The following PDE11A variants were observed in gnomAD, a reference collection of about 807,000 sequenced individuals.
PDE11A encodes phosphodiesterase 11A.
PDE11A carries 100 observed loss-of-function variants against 100.5 expected under a neutral mutation model. The observed-to-expected ratio is 1.00, with a 90% CI of 0.85 to 1.18. PDE11A has a LOEUF of 1.18. Ranked by LOEUF, PDE11A falls within the 50% of genes most tolerant of loss-of-function variation. The pLI is 0.00. For missense variants in PDE11A, 1,141 were observed against 1,152.6 expected, an observed-to-expected ratio of 0.99 and a Z score of 0.15; for synonymous variants, 381 against 420.8, an observed-to-expected ratio of 0.91 and a Z score of 1.16.
intron 9 of PDE11A, among the ~76,000 whole-genome samples, chr2:177,781,272 T>C (rs1056909842): frequency 2.6e-5 from 4 of 152,216 alleles, no homozygotes; most frequent in African/African-American, 9.6e-5. Context: ...TACCGCCTTA[T>C]ATGGGCACAG....
At chr2:177,837,476 C>CTTTTTTT (rs35254631) in intron 6 of PDE11A, among the ~76,000 whole-genome samples, 1 of 141,716 alleles carries the variant, frequency 7.1e-6, no homozygotes, top group Non-Finnish European at 1.5e-5. Context: ...TTCTTTCTTT[C>CTTTTTTT]TTTTTTTTTT....
chr2:178,073,871 G>C (rs189041757), upstream of PDE11A, among the ~76,000 whole-genome samples: 5 of 149,106 alleles, frequency 3.4e-5, no homozygotes, highest in Non-Finnish European at 7.4e-5. Flanking sequence ...CAACGGGAAT[G>C]TTTACACCAT....
chr2:177,853,377 G>A (rs1316485651), intron 5 of PDE11A, among the ~76,000 whole-genome samples: 1 of 151,592 alleles, frequency 6.6e-6, no homozygotes, highest in East Asian at 1.9e-4. Context: ...AAAACACCAA[G>A]GTGAGACATG....
chr2:177,973,179 G>T (rs2085795220), intron 2 of PDE11A, among the ~76,000 whole-genome samples: 1 of 146,936 alleles, frequency 6.8e-6, no homozygotes, highest in East Asian at 2.0e-4. Flanking sequence ...GAGGTACCGG[G>T]TTCATCTCAC....
chr2:177,699,163 A>C lies in PDE11A; in HGVS notation c.2245-1731T>G, dbSNP rs76873046. On this transcript the variant is annotated intron_variant, in intron 14 of 19. Coordinates refer to ENST00000286063, the MANE Select transcript of PDE11A (RefSeq NM_016953.4). ...ACATCACAGAAAGCACTTACACAAA[A>C]CTAGATGATACAGCCTACTGCATAC... Among the ~76,000 whole-genome samples, 402 of 152,304 alleles carry C rather than the reference A, an allele frequency of 2.6e-3. 2 individuals are homozygous for C. The highest frequency in any genetic ancestry group is 0.01 in the Middle Eastern group (3 of 294).
chr2:177,966,305 G>T (rs568047215), intron 2 of PDE11A, among the ~76,000 whole-genome samples: 1 of 152,116 alleles, frequency 6.6e-6, no homozygotes, highest in Non-Finnish European at 1.5e-5. Flanking sequence ...TCTGGGAAGA[G>T]AAATAGTTTG....
At chr2:177,990,173 T>C (rs1442901431) in intron 2 of PDE11A, among the ~76,000 whole-genome samples, 1 of 152,184 alleles carries the variant, frequency 6.6e-6, no homozygotes, top group Non-Finnish European at 1.5e-5. Flanking sequence ...ATTAACCTAG[T>C]ACAAGCTACA....
At chr2:177,718,472 G>A (rs1038333989) in intron 12 of PDE11A, among the ~76,000 whole-genome samples, 2 of 152,134 alleles carry the variant, frequency 1.3e-5, no homozygotes, top group African/African-American at 2.4e-5. Context: ...CACGAAGGAC[G>A]TTATTCTTGA....
At chr2:177,993,772 T>C (rs2086033672) in intron 2 of PDE11A, among the ~76,000 whole-genome samples, 1 of 151,926 alleles carries the variant, frequency 6.6e-6, no homozygotes, top group African/African-American at 2.4e-5. Flanking sequence ...GAACAATGAG[T>C]TTCCAGCTCC....
At chr2:178,066,397 T>G (rs2087044019) in intron 1 of PDE11A, among the ~76,000 whole-genome samples, 4 of 152,212 alleles carry the variant, frequency 2.6e-5, no homozygotes, top group African/African-American at 9.7e-5. Context: ...TAATACTTTT[T>G]ATCATTGAAT....
chr2:177,747,514 G>T (rs2081965996), intron 10 of PDE11A, among the ~76,000 whole-genome samples: 1 of 152,178 alleles, frequency 6.6e-6, no homozygotes, highest in Non-Finnish European at 1.5e-5. Context: ...ATGGTTCTGG[G>T]TCTCCTACTC....
chr2:177,841,460 A>G (rs2105625952), intron 5 of PDE11A, among the ~76,000 whole-genome samples: 1 of 152,320 alleles, frequency 6.6e-6, no homozygotes, highest in South Asian at 2.1e-4. Context: ...CACTCTATTG[A>G]CTTTTTAATC....
At chr2:177,705,289 A>C (rs1043066242) in intron 13 of PDE11A, among the ~76,000 whole-genome samples, 3 of 152,086 alleles carry the variant, frequency 2.0e-5, no homozygotes, top group Non-Finnish European at 4.4e-5. Context: ...AGCACACCTC[A>C]TTTTAATTGT....
chr2:177,896,622 AC>A (rs1305830881), intron 4 of PDE11A, among the ~76,000 whole-genome samples: 1 of 151,984 alleles, frequency 6.6e-6, no homozygotes, highest in African/African-American at 2.4e-5. Flanking sequence ...ATTAATGAGC[AC>A]CCCTACCACT....
intron 1 of PDE11A, among the ~76,000 whole-genome samples, chr2:178,034,208 A>G (rs1270042439): frequency 6.6e-6 from 1 of 152,230 alleles, no homozygotes; most frequent in East Asian, 1.9e-4. Context: ...AATATTTACC[A>G]AGCAAATGGA....
intron 5 of PDE11A, among the ~76,000 whole-genome samples, chr2:177,853,332 C>T (rs73038297): frequency 0.012 from 1,878 of 151,854 alleles, 40 homozygotes; most frequent in African/African-American, 0.043. Context: ...CAATAAATAC[C>T]GGCTCTTTAT....
intron 9 of PDE11A, among the ~76,000 whole-genome samples, chr2:177,794,722 C>T (rs895676111): frequency 6.6e-6 from 1 of 152,142 alleles, no homozygotes; most frequent in Admixed American, 6.5e-5. Flanking sequence ...CCCCCCAACA[C>T]ACCCGACAAA....
chr2:178,031,312 A>G (rs1482625024), intron 1 of PDE11A, among the ~76,000 whole-genome samples: 1 of 152,202 alleles, frequency 6.6e-6, no homozygotes. Context: ...CTTGTTCTAC[A>G]TGATACTGGA....
chr2:177,968,513 A>G (rs2085727350), intron 2 of PDE11A, among the ~76,000 whole-genome samples: 1 of 152,242 alleles, frequency 6.6e-6, no homozygotes, highest in Non-Finnish European at 1.5e-5. Flanking sequence ...TTGAGAAGAT[A>G]ACAAAGAACT....
Sources: allele counts gnomAD v4.1 joint callset (sites outside exome capture counted in the v4.1 genomes callset), GRCh38; gene constraint gnomAD v4.1.1; transcripts MANE v1.5; gene names NCBI Gene and HGNC (gene_info 2026-07-23, HGNC 2026-07-21).